The following SEC63 variants were observed in gnomAD, a reference collection of about 807,000 sequenced individuals.
The protein encoded by SEC63 is translocation protein SEC63 homolog.
A neutral mutation model predicts 116.2 loss-of-function variants in SEC63; 56 were observed. That is an observed-to-expected ratio of 0.48 (90% CI 0.39 to 0.60). SEC63 has a LOEUF of 0.60. Among genes scored for constraint, SEC63 ranks in the 20% least tolerant of loss-of-function variants. The pLI is 0.00. For synonymous variants in SEC63, 273 were observed against 294.6 expected (o/e 0.93, Z 0.75); for missense variants, 668 against 900.0 (o/e 0.74, Z 3.30).
At chr6:107,884,700 A>T (rs1786489069) in intron 16 of SEC63, among the ~76,000 whole-genome samples, 1 of 152,216 alleles carries the variant, frequency 6.6e-6, no homozygotes, top group South Asian at 2.1e-4. Context: ...TAATAATGCC[A>T]GCATAAATCT....
chr6:107,911,100 AT>A (rs942104502), intron 7 of SEC63: 98 of 494,696 alleles, frequency 2.0e-4, no homozygotes, highest in Non-Finnish European at 2.6e-4. Flanking sequence ...TAGTTATATA[AT>A]TTTTTTTTCA....
At chr6:107,915,255 T>C (rs528097620) in intron 4 of SEC63, among the ~76,000 whole-genome samples, 25 of 152,226 alleles carry the variant, frequency 1.6e-4, no homozygotes, top group South Asian at 4.1e-4. Context: ...AGGACGATTA[T>C]AGATTCTCTT....
intron 3 of SEC63, among the ~76,000 whole-genome samples, chr6:107,923,227 T>C (rs1352507898): frequency 6.6e-6 from 1 of 151,986 alleles, no homozygotes; most frequent in Non-Finnish European, 1.5e-5. Flanking sequence ...CGCTGCAGCC[T>C]TGACTTCCCA....
chr6:107,881,099 G>A, intron 18 of SEC63, 50 bp downstream of exon 18: 1 of 1,302,714 alleles, frequency 7.7e-7, no homozygotes, highest in Middle Eastern at 2.6e-4. Flanking sequence ...ACAAATCCCT[G>A]AGGAGAAAGT....
rs1787104288 is a variant in SEC63, at chr6:107,904,734, A to G, written c.962-13T>C. 6.4e-7 allele frequency: 1 copy of G among 1,569,782 alleles called. No individual in the cohort carries two copies. The highest frequency in any genetic ancestry group is 8.8e-7 in the Non-Finnish European group (1 of 1,139,654). On this transcript the variant is annotated splice_polypyrimidine_tract_variant and intron_variant, in intron 10 of 20. Transcript: ENST00000369002. The stretch of plus-strand genomic sequence containing the variant: ...ATGAATTGCTGATCTGCAAAACAAT[A>G]AAAAACCTGAAACAGATCATTTTAA...
chr6:107,935,536 T>G (rs1770224117), intron 1 of SEC63, among the ~76,000 whole-genome samples: 5 of 147,836 alleles, frequency 3.4e-5, no homozygotes, highest in African/African-American at 1.0e-4. Context: ...CCACTCAGGG[T>G]TAAATGGATT....
intron 4 of SEC63, among the ~76,000 whole-genome samples, chr6:107,914,542 A>G (rs906160117): frequency 1.3e-5 from 2 of 152,170 alleles, no homozygotes; most frequent in Admixed American, 6.5e-5. Context: ...GATGTCTTTA[A>G]TCCTTATTTA....
At chr6:107,904,580 T>A in intron 11 of SEC63, 49 bp downstream of exon 11, 1 of 1,429,086 alleles carries the variant, frequency 7.0e-7, no homozygotes, top group South Asian at 1.1e-5. Flanking sequence ...ACAATCTGCA[T>A]ATGCTTGCAA....
intron 3 of SEC63, among the ~76,000 whole-genome samples, chr6:107,923,420 C>CA (rs1172887994): frequency 1.3e-5 from 2 of 152,190 alleles, no homozygotes; most frequent in Non-Finnish European, 2.9e-5. Context: ...GGCCAAAAGA[C>CA]TAGTTTTCTA....
intron 10 of SEC63, 30 bp downstream of exon 10, chr6:107,906,418 A>C: frequency 6.2e-7 from 1 of 1,612,592 alleles, no homozygotes; most frequent in Non-Finnish European, 8.5e-7. Flanking sequence ...CATCCCACTA[A>C]ACCTCTGTAG....
In SEC63 at chr6:107,957,984, T is replaced by C; in HGVS notation, c.26A>G (p.Asp9Gly). The C allele has an allele frequency of 6.2e-7, 1 of 1,613,310 alleles. No homozygotes were observed. The highest frequency in any genetic ancestry group is 8.5e-7 in the Non-Finnish European group (1 of 1,179,536). The part of the protein sequence containing the change: MAGQQFQY[D>G]DSGNTFFYFL... ...GTAGAAGAAGGTGTTCCCACTGTCATCGTACTGGAACTGCTGCCCGGCCAT... is the reference window on the plus strand; with the variant it reads ...GTAGAAGAAGGTGTTCCCACTGTCACCGTACTGGAACTGCTGCCCGGCCAT... Residue 9 changes from aspartate to glycine, a missense_variant, in exon 1 of 21, where the codon GAT (aspartate) becomes GGT (glycine). By Grantham distance (94) the Asp-to-Gly change is moderately conservative. Around this residue, in one of 5 missense-constraint regions of SEC63, gnomAD observed 142 missense variants for 169.5 expected, o/e 0.84. Transcript: ENST00000369002.
intron 5 of SEC63, 76 bp downstream of exon 5, chr6:107,913,290 T>C (rs1256228771): frequency 4.2e-6 from 4 of 949,624 alleles, no homozygotes; most frequent in East Asian, 4.8e-5. Context: ...GAAAATAATA[T>C]TATTCCTTTA....
intron 16 of SEC63, among the ~76,000 whole-genome samples, chr6:107,887,526 C>T (rs1786560229): frequency 6.7e-6 from 1 of 148,312 alleles, no homozygotes; most frequent in African/African-American, 2.5e-5. Flanking sequence ...CATATTCTCA[C>T]TCATAGGTGG....
At position 107,876,559 on chromosome 6, in the gene SEC63, G is replaced by T. The variant is rs1269528592; in HGVS notation, c.2034+5C>A. The T allele has an allele frequency of 1.1e-5, 17 of 1,536,558 alleles. No individual in the cohort carries two copies. The Admixed American group carries it at 2.5e-4, about 23-fold the overall frequency. ...AACACTGAAATCATGTTGCTTGATA[G>T]TTACCTCCTCTGTATCTTTCAGCGT... On this transcript the variant is annotated splice_donor_5th_base_variant and intron_variant, in intron 19 of 20. Transcript: ENST00000369002.
At chr6:107,891,735 G>A (rs966725317) in intron 16 of SEC63, among the ~76,000 whole-genome samples, 7 of 152,142 alleles carry the variant, frequency 4.6e-5, no homozygotes, top group Non-Finnish European at 5.9e-5. Flanking sequence ...ACCTTCGGAT[G>A]GGGTCTCTGA....
At chr6:107,953,829 TCCGGGAGGGAGGTGGGGGGGTCAGCCC>T (rs1480885071) in intron 1 of SEC63, among the ~76,000 whole-genome samples, 5 of 136,038 alleles carry the variant, frequency 3.7e-5, no homozygotes, top group East Asian at 2.5e-4. Flanking sequence ...AGCCGCCCCG[TCCGGGAGGGAGGTGGGGGGGTCAGCCC>T]CCCGCCCGGC....
intron 4 of SEC63, among the ~76,000 whole-genome samples, chr6:107,917,400 G>A (rs761184336): frequency 6.6e-6 from 1 of 151,760 alleles, no homozygotes. Flanking sequence ...ATTCCTCTAG[G>A]GCCGCTGGGT....
intron 2 of SEC63, among the ~76,000 whole-genome samples, chr6:107,927,936 C>CT (rs1490091171): frequency 6.6e-6 from 1 of 151,940 alleles, no homozygotes; most frequent in African/African-American, 2.4e-5. Context: ...ATTTTTATTG[C>CT]TTTTTTCCCC....
At chr6:107,952,486 A>T (rs1379165059) in intron 1 of SEC63, among the ~76,000 whole-genome samples, 1 of 152,174 alleles carries the variant, frequency 6.6e-6, no homozygotes, top group African/African-American at 2.4e-5. Context: ...GGCCGGGCAC[A>T]GTGGCTCACA....
Sources: gnomAD v4.1 joint callset for allele counts (sites outside exome capture counted in the v4.1 genomes callset) on GRCh38, gnomAD v4.1.1 for gene constraint, gnomAD v4.1.1 regional missense constraint, MANE v1.5 for transcripts, NCBI Gene and HGNC (gene_info 2026-07-23, HGNC 2026-07-21) for gene names.